Variants in SPAG16 observed in about 807,000 individuals in gnomAD.
The protein encoded by SPAG16 is sperm-associated antigen 16 protein.
SPAG16 carries 86 observed loss-of-function variants against 80.4 expected under a neutral mutation model. The ratio of observed to expected loss-of-function variants is 1.07; its 90% CI spans 0.90 to 1.28. The LOEUF (loss-of-function observed/expected upper bound fraction) is 1.28. SPAG16 is among the 50% of genes most tolerant of loss of function. The pLI, the probability that SPAG16 is intolerant of heterozygous loss-of-function variation, is 0.00. For missense variants in SPAG16, 870 were observed against 765.3 expected (o/e 1.14, Z -1.61); for synonymous variants, 294 against 265.9 (o/e 1.11, Z -1.03).
intron 10 of SPAG16, among the ~76,000 whole-genome samples, chr2:213,501,619 G>A (rs1001794702): frequency 3.9e-5 from 6 of 152,118 alleles, no homozygotes; most frequent in African/African-American, 9.7e-5. Flanking sequence ...AATAACTACC[G>A]TAATTTCTTA....
At chr2:213,833,465 T>A (rs867154302) in intron 10 of SPAG16, among the ~76,000 whole-genome samples, 527 of 9,708 alleles carry the variant, frequency 0.054, 108 homozygotes, top group African/African-American at 0.17. Flanking sequence ...TATATATATA[T>A]TATATATAAT....
chr2:213,772,067 T>G lies in SPAG16; in HGVS notation c.1071-90418T>G, dbSNP rs140081957. 6.4e-3 allele frequency among the ~76,000 whole-genome samples: 975 copies of G among 152,356 alleles called. 14 individuals carry two copies. Among genetic ancestry groups the G allele is most frequent in the African/African-American group, 0.022 (914 of 41,576 alleles). ...CTTTGGCCATTTTCAAAACATTGAT[T>G]CTTCCTGTCTGAGCATGGAATGTTT... On this transcript the variant is annotated intron_variant, in intron 10 of 15. Coordinates refer to ENST00000331683, the MANE Select transcript of SPAG16 (RefSeq NM_024532.5).
chr2:213,482,663 C>A (rs16850397), intron 9 of SPAG16, among the ~76,000 whole-genome samples: 6,164 of 152,006 alleles, frequency 0.041, 413 homozygotes, highest in African/African-American at 0.14. Flanking sequence ...ATCAGTGGAA[C>A]ATGCAATTTG....
chr2:214,096,173 G>T (rs1174133798), intron 13 of SPAG16, among the ~76,000 whole-genome samples: 1 of 151,620 alleles, frequency 6.6e-6, no homozygotes, highest in African/African-American at 2.4e-5. Context: ...ATTTGTATTG[G>T]TATATTAGTG....
chr2:213,891,448 T>C (rs1377447190), intron 11 of SPAG16, among the ~76,000 whole-genome samples: 3 of 152,146 alleles, frequency 2.0e-5, no homozygotes, highest in Non-Finnish European at 2.9e-5. Context: ...TCTGAGGTGA[T>C]CTGACCCTAC....
At position 213,607,613 on chromosome 2, in the gene SPAG16, C is replaced by T. The variant is rs114569365; in HGVS notation, c.1070+117523C>T. On this transcript the variant is annotated intron_variant, in intron 10 of 15. Transcript: ENST00000331683. ...GAAGAAATTACTGAAATTAACTTAGCCATTGAGGACAAGGCTTAGATGCAC... is the reference window on the plus strand; with the variant it reads ...GAAGAAATTACTGAAATTAACTTAGTCATTGAGGACAAGGCTTAGATGCAC... 4.9e-3 allele frequency among the ~76,000 whole-genome samples: 749 copies of T among 152,264 alleles called. 3 individuals carry two copies. Among genetic ancestry groups the T allele is most frequent in the African/African-American group, 0.016 (663 of 41,546 alleles).
intron 9 of SPAG16, among the ~76,000 whole-genome samples, chr2:213,452,803 A>T (rs1242334173): frequency 6.6e-6 from 1 of 152,250 alleles, no homozygotes; most frequent in Non-Finnish European, 1.5e-5. Flanking sequence ...CATATGCCCT[A>T]ACACAACTTA....
chr2:213,924,593 C>G (rs2078379328), intron 11 of SPAG16, among the ~76,000 whole-genome samples: 2 of 152,124 alleles, frequency 1.3e-5, no homozygotes, highest in African/African-American at 4.8e-5. Context: ...GGCCCTATCC[C>G]TCATCTTTAT....
intron 11 of SPAG16, among the ~76,000 whole-genome samples, chr2:213,900,278 T>C (rs2077166385): frequency 6.6e-6 from 1 of 152,136 alleles, no homozygotes; most frequent in Non-Finnish European, 1.5e-5. Flanking sequence ...CTCCATTTGT[T>C]ACAAGTTAGA....
chr2:214,035,461 C>A (rs983013840), intron 13 of SPAG16, among the ~76,000 whole-genome samples: 1 of 152,216 alleles, frequency 6.6e-6, no homozygotes, highest in African/African-American at 2.4e-5. Flanking sequence ...CCCTCAACCC[C>A]CCTCACATAC....
chr2:213,779,961 A>T (rs1408713409), intron 10 of SPAG16, among the ~76,000 whole-genome samples: 1 of 152,232 alleles, frequency 6.6e-6, no homozygotes, highest in African/African-American at 2.4e-5. Flanking sequence ...ACAGATCCAG[A>T]TCCTATGGAT....
intron 1 of SPAG16, among the ~76,000 whole-genome samples, chr2:213,287,110 C>G (rs1575074494): frequency 1.3e-5 from 2 of 152,136 alleles, no homozygotes; most frequent in Non-Finnish European, 1.5e-5. Flanking sequence ...TGTCAGAACA[C>G]TAAGAAATTG....
chr2:213,331,043 AGTAT>A (rs1251702803), intron 5 of SPAG16, among the ~76,000 whole-genome samples: 5 of 152,134 alleles, frequency 3.3e-5, no homozygotes, highest in African/African-American at 7.2e-5. Context: ...CCCAGTCTCA[AGTAT>A]GTCTATGCAC....
intron 12 of SPAG16, among the ~76,000 whole-genome samples, chr2:213,957,917 T>C (rs1559629516): frequency 1.3e-5 from 2 of 152,192 alleles, no homozygotes; most frequent in Admixed American, 6.5e-5. Context: ...AGCCACTCTC[T>C]AGAAAAGCCC....
At chr2:213,782,261 G>A (rs1575122112) in intron 10 of SPAG16, among the ~76,000 whole-genome samples, 1 of 151,862 alleles carries the variant, frequency 6.6e-6, no homozygotes, top group African/African-American at 2.4e-5. Context: ...CTGTTTTTTA[G>A]TGTTCTTCCT....
At chr2:214,084,452 CT>C (rs1426939954) in intron 13 of SPAG16, among the ~76,000 whole-genome samples, 1 of 152,182 alleles carries the variant, frequency 6.6e-6, no homozygotes, top group East Asian at 1.9e-4. Flanking sequence ...TGAACTCCCC[CT>C]AAACCAATGG....
chr2:213,594,808 T>C (rs916231934), intron 10 of SPAG16, among the ~76,000 whole-genome samples: 3 of 152,180 alleles, frequency 2.0e-5, no homozygotes, highest in African/African-American at 7.2e-5. Flanking sequence ...TCTTTTTAAA[T>C]CCTTCGTCTT....
At chr2:213,357,988 A>G (rs568016908) in intron 7 of SPAG16, among the ~76,000 whole-genome samples, 1 of 152,256 alleles carries the variant, frequency 6.6e-6, no homozygotes, top group East Asian at 1.9e-4. Context: ...CTTGTCTGTG[A>G]AGGATTTTAT....
chr2:213,628,349 T>G (rs984448019), intron 10 of SPAG16, among the ~76,000 whole-genome samples: 1 of 152,188 alleles, frequency 6.6e-6, no homozygotes, highest in Non-Finnish European at 1.5e-5. Context: ...CAAAGCAAAT[T>G]CTATCCATTT....
Sources: allele counts gnomAD v4.1 joint callset (sites outside exome capture counted in the v4.1 genomes callset), GRCh38; gene constraint gnomAD v4.1.1; transcripts MANE v1.5; gene names NCBI Gene and HGNC (gene_info 2026-07-23, HGNC 2026-07-21).